Variants in EPHB2 observed in about 807,000 individuals in gnomAD.
The protein encoded by EPHB2 is ephrin type-B receptor 2.
Under a neutral mutation model 96.4 loss-of-function variants are expected in EPHB2, and 18 were observed. That is an observed-to-expected ratio of 0.19 (90% CI 0.13 to 0.28). EPHB2 has a LOEUF of 0.28. Among genes scored for constraint, EPHB2 ranks in the 10% least tolerant of loss-of-function variants. The pLI is 1.00. For synonymous variants in EPHB2, 506 were observed against 534.1 expected, an observed-to-expected ratio of 0.95 and a Z score of 0.72; for missense variants, 989 against 1,355.4, an observed-to-expected ratio of 0.73 and a Z score of 4.25.
rs1246347611 is a variant in EPHB2, at chr1:22,784,569, A to G, written c.304A>G (p.Ser102Gly). 1.9e-6 allele frequency: 3 copies of G among 1,614,144 alleles called. No homozygotes were observed. The highest frequency in any genetic ancestry group is 2.5e-6 in the Non-Finnish European group (3 of 1,180,024). Reference sequence around the variant, plus strand: ...GGTGCGTGACTGCAGCAGCATCCCCAGCGTGCCTGGCTCCTGCAAGGAGAC... The same window carrying G: ...GGTGCGTGACTGCAGCAGCATCCCCGGCGTGCCTGGCTCCTGCAAGGAGAC... ...FSVRDCSSIP[S>G]VPGSCKETFN... is the part of the protein sequence containing the mutation. The change falls in exon 3 of 16, where the codon AGC becomes GGC. Residue 102 changes from serine to glycine, a missense_variant. Ser to Gly is a moderately conservative substitution (Grantham distance 56). Transcript: ENST00000374630. The surrounding 1 kb of genome is among the most constrained non-coding windows in gnomAD (Gnocchi z 5.1).
rs956835380 is a variant in EPHB2, at chr1:22,860,133, A to G, written c.812-2904A>G. ...TTATGGCCGAATAGTATTCCAACGT[A>G]TGTGCCATTGTGGATTTTTAAGACT... On this transcript the variant is annotated intron_variant, in intron 3 of 15. Transcript: ENST00000374630. The surrounding 1 kb of genome is among the most constrained non-coding windows in gnomAD (Gnocchi z 4.6). Among the ~76,000 whole-genome samples the G allele has an allele frequency of 2.6e-5, 4 of 151,074 alleles. No individual in the cohort carries two copies. Among genetic ancestry groups the G allele is most frequent in the African/African-American group, 7.3e-5 (3 of 41,204 alleles).
At chr1:22,893,097 C>T in intron 7 of EPHB2, 51 bp downstream of exon 7, 1 of 1,613,428 alleles carries the variant, frequency 6.2e-7, no homozygotes, top group Non-Finnish European at 8.5e-7. Flanking sequence ...ACAAACAGAA[C>T]AAACTCAAGG....
intron 1 of EPHB2, among the ~76,000 whole-genome samples, chr1:22,755,862 T>G (rs528410117): frequency 1.3e-5 from 2 of 152,234 alleles, no homozygotes; most frequent in Non-Finnish European, 1.5e-5. Flanking sequence ...GAAACTAACA[T>G]GTATTTAGTC....
intron 1 of EPHB2, among the ~76,000 whole-genome samples, chr1:22,745,339 A>G (rs561515809): frequency 6.6e-6 from 1 of 152,354 alleles, no homozygotes; most frequent in South Asian, 2.1e-4. Context: ...AATAAGCCAG[A>G]CACCAAACAA....
rs774070986 is a variant in EPHB2, at chr1:22,781,404, C to T, written c.62-17C>T. 6.2e-7 allele frequency: 1 copy of T among 1,613,418 alleles called. No individual in the cohort carries two copies. The highest frequency in any genetic ancestry group is 8.5e-7 in the Non-Finnish European group (1 of 1,179,744). ...TGGTAGGTGGGGCGGGGTGGTGACT[C>T]TTTGCTCTCCCCACAGAAACGCTAA... is the stretch of plus-strand genomic sequence containing the variant. On this transcript the variant is annotated splice_polypyrimidine_tract_variant and intron_variant, in intron 1 of 15. Coordinates refer to ENST00000374630, the MANE Select transcript of EPHB2 (RefSeq NM_017449.5).
intron 3 of EPHB2, among the ~76,000 whole-genome samples, chr1:22,810,828 C>T (rs994856121): frequency 5.9e-5 from 9 of 152,128 alleles, no homozygotes; most frequent in African/African-American, 1.9e-4. Flanking sequence ...ACCCCAAGGC[C>T]GGGAAAGAAG....
chr1:22,913,286 C>T lies in EPHB2; in HGVS notation c.2853-176C>T. On this transcript the variant is annotated intron_variant, in intron 15 of 15. Coordinates refer to ENST00000374630, the MANE Select transcript of EPHB2 (RefSeq NM_017449.5). This position sits in a 1 kb window ranked among gnomAD's most constrained non-coding sequence, Gnocchi z 4.1. ...CCTGATTCCGACTCAAGTGCTCTTCCACCTCACACCATAGTCGCTCCCTCC... is the reference window on the plus strand; with the variant it reads ...CCTGATTCCGACTCAAGTGCTCTTCTACCTCACACCATAGTCGCTCCCTCC... The T allele has an allele frequency of 1.3e-6, 1 of 762,186 alleles. No homozygotes were observed. The highest frequency in any genetic ancestry group is 2.2e-6 in the Non-Finnish European group (1 of 454,686). The allele number at this position is 762,186 out of a possible 1,614,324, so 47.2% of individuals were successfully genotyped here.
Position 22,910,455 on chromosome 1 carries a change from T to C in EPHB2, c.2576T>C (p.Met859Thr). Residue 859 changes from methionine to threonine, a missense_variant, in exon 14 of 16, where the codon ATG becomes ACG. Coordinates refer to ENST00000374630, the MANE Select transcript of EPHB2 (RefSeq NM_017449.5). ...TGCCCGAGCGCCCTGCACCAACTCA[T>C]GCTGGACTGTTGGCAGAAGGACCGC... ...MDCPSALHQL[M>T]LDCWQKDRNH... The C allele has an allele frequency of 6.2e-7, 1 of 1,614,194 alleles. No homozygotes were observed. The highest frequency in any genetic ancestry group is 8.5e-7 in the Non-Finnish European group (1 of 1,180,016).
At chr1:22,753,991 G>A (rs112727133) in intron 1 of EPHB2, among the ~76,000 whole-genome samples, 3,151 of 152,192 alleles carry the variant, frequency 0.021, 110 homozygotes, top group African/African-American at 0.071. Flanking sequence ...CTCAACCTTA[G>A]CTTCACCCTT....
At chr1:22,711,919 C>A (rs1039817756) in intron 1 of EPHB2, among the ~76,000 whole-genome samples, 1 of 152,234 alleles carries the variant, frequency 6.6e-6, no homozygotes, top group Admixed American at 6.5e-5. Context: ...CCAGCTTGCT[C>A]TGGAGGGAAA....
intron 1 of EPHB2, among the ~76,000 whole-genome samples, chr1:22,772,036 C>T (rs1316732192): frequency 6.6e-6 from 1 of 152,138 alleles, no homozygotes; most frequent in South Asian, 2.1e-4. Context: ...TTCCCTTCCC[C>T]AGCAAGCCCT....
At chr1:22,726,044 C>A (rs540552988) in intron 1 of EPHB2, among the ~76,000 whole-genome samples, 5 of 152,316 alleles carry the variant, frequency 3.3e-5, no homozygotes, top group Admixed American at 3.3e-4. Context: ...CCCACCCTCC[C>A]TCCTTCATCC....
In EPHB2 at chr1:22,790,474, C is replaced by T. The variant is rs1257680812; in HGVS notation, c.811+5398C>T. Among the ~76,000 whole-genome samples, 1 of 152,144 alleles carries T rather than the reference C, an allele frequency of 6.6e-6. No homozygotes were observed. Among genetic ancestry groups the T allele is most frequent in the Admixed American group, 6.5e-5 (1 of 15,286 alleles). On this transcript the variant is annotated intron_variant, in intron 3 of 15. Coordinates refer to ENST00000374630, the MANE Select transcript of EPHB2 (RefSeq NM_017449.5). This position sits in a 1 kb window ranked among gnomAD's most constrained non-coding sequence, Gnocchi z 4.0. Reference sequence around the variant, plus strand: ...TGTCCCTGGAATGCCTTCTTTGCAGCAGCTGCCCGCACCCAAGTCTGTTTC... The same window carrying T: ...TGTCCCTGGAATGCCTTCTTTGCAGTAGCTGCCCGCACCCAAGTCTGTTTC...
intron 9 of EPHB2, among the ~76,000 whole-genome samples, chr1:22,901,820 A>AGTGT (rs57503593): frequency 0.16 from 23,494 of 148,442 alleles, 2,475 homozygotes; most frequent in East Asian, 0.62. Flanking sequence ...TGTGTGTGTG[A>AGTGT]GTGTGTGTGT....
At chr1:22,873,140 G>A (rs1309920920) in intron 5 of EPHB2, among the ~76,000 whole-genome samples, 2 of 152,218 alleles carry the variant, frequency 1.3e-5, no homozygotes, top group Admixed American at 6.5e-5. Flanking sequence ...CGACAGCATG[G>A]AACAAGAAGC....
chr1:22,758,679 C>A (rs890515495), intron 1 of EPHB2, among the ~76,000 whole-genome samples: 3 of 151,690 alleles, frequency 2.0e-5, no homozygotes, highest in Admixed American at 6.6e-5. Context: ...GATCAGGTCA[C>A]CTTTCTAGGC....
At position 22,912,507 on chromosome 1, in the gene EPHB2, G is replaced by A. The variant is rs368101425; in HGVS notation, c.2760G>A (p.Glu920=). 6.2e-7 allele frequency: 1 copy of A among 1,614,060 alleles called. No homozygotes were observed. Among genetic ancestry groups the A allele is most frequent in the African/African-American group, 1.3e-5 (1 of 74,924 alleles). ...PDYTSFNTVD[E]WLEAIKMGQY... Reference sequence around the variant, plus strand: ...ACACCAGCTTTAACACGGTGGACGAGTGGCTGGAGGCCATCAAGATGGGGC... The same window carrying A: ...ACACCAGCTTTAACACGGTGGACGAATGGCTGGAGGCCATCAAGATGGGGC... The change falls in exon 15 of 16, where the codon GAG becomes GAA. Residue 920 remains glutamate (E), a synonymous_variant. Transcript: ENST00000374630.
At chr1:22,732,373 G>A (rs919374240) in intron 1 of EPHB2, among the ~76,000 whole-genome samples, 1 of 151,808 alleles carries the variant, frequency 6.6e-6, no homozygotes, top group Non-Finnish European at 1.5e-5. Context: ...AGCAGGGTTT[G>A]GGGAAGCGCG....
At chr1:22,726,023 C>G (rs554568974) in intron 1 of EPHB2, among the ~76,000 whole-genome samples, 24 of 152,330 alleles carry the variant, frequency 1.6e-4, no homozygotes, top group African/African-American at 4.8e-4. Flanking sequence ...TACATCCTTC[C>G]TTCTCACAAT....
Sources: gnomAD v4.1 joint callset for allele counts (sites outside exome capture counted in the v4.1 genomes callset) on GRCh38, gnomAD v4.1.1 for gene constraint, Gnocchi (gnomAD v3.1) non-coding constraint, MANE v1.5 for transcripts, NCBI Gene and HGNC (gene_info 2026-07-23, HGNC 2026-07-21) for gene names.